EXOC6B: variants seen among roughly 807,000 people sequenced by gnomAD.
The protein encoded by EXOC6B is SEC15 homolog B.
EXOC6B carries 54 observed loss-of-function variants against 113.5 expected under a neutral mutation model. The ratio of observed to expected loss-of-function variants is 0.48; its 90% CI spans 0.38 to 0.60. The LOEUF (loss-of-function observed/expected upper bound fraction) is 0.60. Among genes scored for constraint, EXOC6B ranks in the 20% least tolerant of loss-of-function variants. The probability of loss-of-function intolerance (pLI) is 0.00; values close to 1 mark genes in which losing one functional copy is unlikely to be tolerated. For synonymous variants in EXOC6B, 357 were observed against 339.0 expected (o/e 1.05, Z -0.58); for missense variants, 797 against 977.5 (o/e 0.82, Z 2.46).
At chr2:72,280,420 C>T (rs1685063594) in intron 20 of EXOC6B, among the ~76,000 whole-genome samples, 1 of 151,804 alleles carries the variant, frequency 6.6e-6, no homozygotes, top group Non-Finnish European at 1.5e-5. Context: ...ACCTGTATAC[C>T]AATATGGGTA....
intron 8 of EXOC6B, among the ~76,000 whole-genome samples, chr2:72,526,852 T>A (rs1272364771): frequency 6.6e-6 from 1 of 151,986 alleles, no homozygotes; most frequent in African/African-American, 2.4e-5. Context: ...TTTTTCATTA[T>A]AATTAATTAT....
chr2:72,215,405 C>T (rs1162253792), intron 20 of EXOC6B, among the ~76,000 whole-genome samples: 1 of 152,160 alleles, frequency 6.6e-6, no homozygotes, highest in Non-Finnish European at 1.5e-5. Context: ...ACCAAACTGT[C>T]TCACTCCCTT....
chr2:72,706,839 C>G (rs868398300), intron 6 of EXOC6B, among the ~76,000 whole-genome samples: 11 of 152,164 alleles, frequency 7.2e-5, no homozygotes, highest in African/African-American at 2.7e-4. Context: ...GCTTTGACCA[C>G]TATAACACGA....
chr2:72,470,366 T>C (rs1030944038), intron 17 of EXOC6B, among the ~76,000 whole-genome samples: 3 of 152,220 alleles, frequency 2.0e-5, no homozygotes, highest in African/African-American at 7.2e-5. Context: ...GCCTTCTTGA[T>C]TTCTTTTTTA....
At chr2:72,225,946 T>A (rs1336396394) in intron 20 of EXOC6B, among the ~76,000 whole-genome samples, 1 of 152,140 alleles carries the variant, frequency 6.6e-6, no homozygotes, top group East Asian at 1.9e-4. Flanking sequence ...TCAAATTCCC[T>A]CCTCAGAAGT....
At chr2:72,279,849 C>T (rs537525108) in intron 20 of EXOC6B, among the ~76,000 whole-genome samples, 1 of 151,786 alleles carries the variant, frequency 6.6e-6, no homozygotes, top group Admixed American at 6.6e-5. Context: ...GCCATGTTGC[C>T]CAGGCTGGTC....
intron 1 of EXOC6B, among the ~76,000 whole-genome samples, chr2:72,816,630 C>G (rs975718918): frequency 6.6e-6 from 1 of 152,114 alleles, no homozygotes; most frequent in South Asian, 2.1e-4. Flanking sequence ...AGATAATTTA[C>G]CTATATCATT....
In EXOC6B at chr2:72,825,572, C is replaced by A. The variant is rs1573859909; in HGVS notation, c.113+226G>T. ...GAGGGAGAACGAAGGCTGCTCCTGC[C>A]CCGAGGGAGGCAGCGGGAGGGTCCT... On this transcript the variant is annotated intron_variant, in intron 1 of 21. Transcript: ENST00000272427. This position sits in a 1 kb window ranked among gnomAD's most constrained non-coding sequence, Gnocchi z 4.4. 6.6e-6 allele frequency among the ~76,000 whole-genome samples: 1 copy of A among 152,184 alleles called. No homozygotes were observed. The highest frequency in any genetic ancestry group is 1.9e-4 in the East Asian group (1 of 5,168).
chr2:72,649,255 G>C (rs186210783), intron 6 of EXOC6B, among the ~76,000 whole-genome samples: 7 of 152,274 alleles, frequency 4.6e-5, no homozygotes, highest in African/African-American at 1.7e-4. Context: ...ACAAAAAACA[G>C]CTAGATAGAA....
intron 19 of EXOC6B, among the ~76,000 whole-genome samples, chr2:72,369,821 G>A (rs189431642): frequency 7.3e-4 from 111 of 152,296 alleles, no homozygotes; most frequent in African/African-American, 2.5e-3. Context: ...GTAGAAAGCT[G>A]AAACTGGATC....
chr2:72,500,055 G>C, intron 11 of EXOC6B, 83 bp from the exon 12 acceptor site: 1 of 884,310 alleles, frequency 1.1e-6, no homozygotes, highest in Non-Finnish European at 1.8e-6. Context: ...ATTGTTTAGC[G>C]CTTTATCTGG....
chr2:72,422,754 C>G (rs771404238), intron 18 of EXOC6B, among the ~76,000 whole-genome samples: 10 of 152,174 alleles, frequency 6.6e-5, no homozygotes, highest in Admixed American at 1.3e-4. Context: ...CACCAATCGA[C>G]ACTCTGTATC....
intron 8 of EXOC6B, among the ~76,000 whole-genome samples, chr2:72,526,441 C>T (rs1293747597): frequency 6.6e-6 from 1 of 151,890 alleles, no homozygotes; most frequent in South Asian, 2.1e-4. Context: ...GAGAGCTATA[C>T]ATGTTATTTT....
intron 6 of EXOC6B, among the ~76,000 whole-genome samples, chr2:72,679,940 T>C (rs1055042010): frequency 1.3e-5 from 2 of 152,146 alleles, no homozygotes; most frequent in African/African-American, 4.8e-5. Context: ...TTTCATAAAA[T>C]TTGGATGAGA....
At chr2:72,612,970 G>A (rs374537366) in intron 6 of EXOC6B, among the ~76,000 whole-genome samples, 14 of 152,192 alleles carry the variant, frequency 9.2e-5, no homozygotes, top group African/African-American at 2.6e-4. Flanking sequence ...AGCATTTGGG[G>A]TTTTTTTAAG....
At chr2:72,718,051 A>T in intron 6 of EXOC6B, 52 bp downstream of exon 6, 3 of 1,363,492 alleles carry the variant, frequency 2.2e-6, no homozygotes, top group Non-Finnish European at 3.0e-6. Flanking sequence ...ACCTGTGTTT[A>T]ACTCAATACT....
chr2:72,291,823 AG>A (rs1685812484), intron 20 of EXOC6B, among the ~76,000 whole-genome samples: 1 of 152,228 alleles, frequency 6.6e-6, no homozygotes, highest in Non-Finnish European at 1.5e-5. Context: ...CTAATGACAC[AG>A]GCTCAAGAAC....
At chr2:72,301,049 T>C (rs906017252) in intron 20 of EXOC6B, among the ~76,000 whole-genome samples, 5 of 152,210 alleles carry the variant, frequency 3.3e-5, no homozygotes, top group East Asian at 1.9e-4. Context: ...GTTTTTAACA[T>C]GAAGGAGTGT....
At chr2:72,516,240 A>T (rs1701205771) in intron 8 of EXOC6B, among the ~76,000 whole-genome samples, 1 of 151,894 alleles carries the variant, frequency 6.6e-6, no homozygotes, top group South Asian at 2.1e-4. Flanking sequence ...GAATTCTTCT[A>T]CTTTTATTTT....
Sources: gnomAD v4.1 joint callset for allele counts (sites outside exome capture counted in the v4.1 genomes callset) on GRCh38, gnomAD v4.1.1 for gene constraint, Gnocchi (gnomAD v3.1) non-coding constraint, MANE v1.5 for transcripts, NCBI Gene and HGNC (gene_info 2026-07-23, HGNC 2026-07-21) for gene names.